Variants in CACNA1A observed in about 807,000 individuals in gnomAD.
The protein encoded by CACNA1A is voltage-dependent P/Q-type calcium channel subunit alpha-1A.
CACNA1A carries 57 observed loss-of-function variants against 262.4 expected under a neutral mutation model. That is an observed-to-expected ratio of 0.22 (90% CI 0.18 to 0.27). The LOEUF (loss-of-function observed/expected upper bound fraction) is 0.27. Ranked by LOEUF, CACNA1A falls within the 10% of genes least tolerant of loss-of-function variation. The pLI is 1.00. For missense variants in CACNA1A, 2,526 were observed against 3,562.8 expected (o/e 0.71, Z 7.41); for synonymous variants, 1,431 against 1,419.3 (o/e 1.01, Z -0.18).
intron 1 of CACNA1A, among the ~76,000 whole-genome samples, chr19:13,467,811 G>A (rs2061280652): frequency 6.6e-6 from 1 of 151,776 alleles, no homozygotes; most frequent in Non-Finnish European, 1.5e-5. Flanking sequence ...CACCACGTTG[G>A]CCAGGCTAGT....
chr19:13,338,771 C>T (rs1173217557), intron 6 of CACNA1A, among the ~76,000 whole-genome samples: 2 of 152,130 alleles, frequency 1.3e-5, no homozygotes, highest in Non-Finnish European at 2.9e-5. Flanking sequence ...CATTTGTGTG[C>T]TGGTTACATG....
intron 1 of CACNA1A, among the ~76,000 whole-genome samples, chr19:13,487,628 T>C (rs969637481): frequency 6.6e-6 from 1 of 150,812 alleles, no homozygotes; most frequent in Non-Finnish European, 1.5e-5. Context: ...AAATGGTTAA[T>C]GGTCAATTTT....
intron 37 of CACNA1A, chr19:13,225,608 A>G (rs1481121653): frequency 6.6e-6 from 1 of 151,626 alleles, no homozygotes; most frequent in Non-Finnish European, 1.5e-5. Context: ...TGGCACAGAG[A>G]AGGGGGGTGA....
intron 10 of CACNA1A, 70 bp downstream of exon 10, chr19:13,330,173 GC>G: frequency 8.9e-7 from 1 of 1,117,616 alleles, no homozygotes. Context: ...CAAGCCCTCT[GC>G]CCCCACCCCA....
In CACNA1A at chr19:13,259,545, T is replaced by A. The variant is rs1057524029; in HGVS notation, c.4388+19A>T. 1 of 1,591,808 alleles carries A rather than the reference T, an allele frequency of 6.3e-7. No homozygotes were observed. Among genetic ancestry groups the A allele is most frequent in the Non-Finnish European group, 8.6e-7 (1 of 1,167,804 alleles). Reference sequence around the variant, plus strand: ...TCCCCAGGGCTCCTCCTGGATAGATTTCCAGTCGGGCCACTTACTGTGGCC... The same window carrying A: ...TCCCCAGGGCTCCTCCTGGATAGATATCCAGTCGGGCCACTTACTGTGGCC... On this transcript the variant is annotated intron_variant, in intron 27 of 46. Coordinates refer to ENST00000360228, the MANE Select transcript of CACNA1A (RefSeq NM_001127222.2).
chr19:13,372,719 C>T (rs1294545128), intron 3 of CACNA1A, among the ~76,000 whole-genome samples: 1 of 152,078 alleles, frequency 6.6e-6, no homozygotes, highest in East Asian at 1.9e-4. Context: ...CACAGGTTAC[C>T]GGTATGCTAA....
chr19:13,433,542 G>C (rs1357976464), intron 3 of CACNA1A, among the ~76,000 whole-genome samples: 2 of 150,700 alleles, frequency 1.3e-5, no homozygotes, highest in East Asian at 2.0e-4. Context: ...CCAGAGCCTT[G>C]GATCAGGGCC....
chr19:13,224,770 C>G lies in CACNA1A; in HGVS notation c.5628G>C (p.Arg1876=). 6.2e-7 allele frequency: 1 copy of G among 1,604,574 alleles called. No individual in the cohort carries two copies. The highest frequency in any genetic ancestry group is 8.5e-7 in the Non-Finnish European group (1 of 1,175,690). The part of the protein sequence containing the change: ...KKCPARVAYK[R]LLRMDLPVAD... ...CGACGGGCAGGTCCATCCGCAGAAG[C>G]CGCTACAGAAAACCCAAGGCAAGCG... The change falls in exon 38 of 47, where the codon CGG becomes CGC. Residue 1876 remains arginine, a splice_region_variant and synonymous_variant. Coordinates refer to ENST00000360228, the MANE Select transcript of CACNA1A (RefSeq NM_001127222.2).
chr19:13,339,160 G>A (rs938008954), intron 6 of CACNA1A, among the ~76,000 whole-genome samples: 8 of 152,204 alleles, frequency 5.3e-5, no homozygotes, highest in African/African-American at 9.6e-5. Flanking sequence ...CACTGAGCCC[G>A]GCAGAAGTTT....
chr19:13,231,052 G>A (rs889101518), intron 35 of CACNA1A, among the ~76,000 whole-genome samples: 1 of 151,460 alleles, frequency 6.6e-6, no homozygotes, highest in Non-Finnish European at 1.5e-5. Flanking sequence ...CGCCCTGGCT[G>A]GGGTGCAGTG....
At chr19:13,473,831 G>A (rs1419853505) in intron 1 of CACNA1A, among the ~76,000 whole-genome samples, 4 of 148,742 alleles carry the variant, frequency 2.7e-5, no homozygotes, top group South Asian at 4.2e-4. Flanking sequence ...ACATCTCAGC[G>A]GCAGTCCTTC....
intron 6 of CACNA1A, among the ~76,000 whole-genome samples, chr19:13,348,362 G>C (rs1317859945): frequency 2.0e-5 from 3 of 152,166 alleles, no homozygotes; most frequent in Non-Finnish European, 2.9e-5. Context: ...GAGAGAAGGA[G>C]AAGGAGGTGG....
At chr19:13,381,211 C>A (rs1407591544) in intron 3 of CACNA1A, among the ~76,000 whole-genome samples, 2 of 151,758 alleles carry the variant, frequency 1.3e-5, no homozygotes, top group Non-Finnish European at 2.9e-5. Context: ...ATGGCAAGAC[C>A]TTGTCGCTAT....
At chr19:13,481,542 G>A (rs1197709729) in intron 1 of CACNA1A, among the ~76,000 whole-genome samples, 3 of 152,270 alleles carry the variant, frequency 2.0e-5, no homozygotes, top group East Asian at 1.9e-4. Context: ...TGGGTGGGGC[G>A]GGGAGGGGAC....
rs1398137447 is a variant in CACNA1A, at chr19:13,212,421, G to A, written c.6152C>T (p.Pro2051Leu). The A allele has an allele frequency of 6.2e-7, 1 of 1,613,382 alleles. No individual in the cohort carries two copies. Among genetic ancestry groups the A allele is most frequent in the Non-Finnish European group, 8.5e-7 (1 of 1,179,684 alleles). ...CTGGCTGTTGGGCATGTCGGTAGGGGGGCCTTGTTCCGGACTCCATGTGCC... is the reference window on the plus strand; with the variant it reads ...CTGGCTGTTGGGCATGTCGGTAGGGAGGCCTTGTTCCGGACTCCATGTGCC... Reference protein sequence around the residue: ...KTGTWSPEQGPPTDMPNSQPN... With the variant: ...KTGTWSPEQGLPTDMPNSQPN... The change falls in exon 42 of 47, where the codon CCC (proline) becomes CTC (leucine). Residue 2051 changes from proline to leucine, a missense_variant. This residue lies in a region of CACNA1A where 929 missense variants were observed against 868.1 expected (regional missense o/e 1.07). Transcript: ENST00000360228. This position sits in a 1 kb window ranked among gnomAD's most constrained non-coding sequence, Gnocchi z 5.6.
chr19:13,452,819 A>G, intron 3 of CACNA1A, 57 bp downstream of exon 3: 4 of 1,556,112 alleles, frequency 2.6e-6, no homozygotes, highest in Non-Finnish European at 3.5e-6. Flanking sequence ...ACACCAACCA[A>G]AAGCCTCGTA....
At chr19:13,298,510 G>T (rs185690935) in intron 19 of CACNA1A, 34 bp downstream of exon 19, 13 of 1,503,600 alleles carry the variant, frequency 8.6e-6, no homozygotes, top group Non-Finnish European at 1.2e-5. Flanking sequence ...TAATGTTACC[G>T]TCATTCTGCG....
intron 1 of CACNA1A, among the ~76,000 whole-genome samples, chr19:13,457,826 C>A (rs12985920): frequency 6.9e-6 from 1 of 145,418 alleles, no homozygotes; most frequent in Non-Finnish European, 1.5e-5. Context: ...GCACTCCAGC[C>A]TGGGCAACAA....
intron 38 of CACNA1A, among the ~76,000 whole-genome samples, chr19:13,221,896 C>T (rs570677825): frequency 1.4e-4 from 22 of 151,910 alleles, no homozygotes; most frequent in Non-Finnish European, 2.9e-4. Context: ...GGGAATTTCT[C>T]GGTATTTTTT....
Sources: gnomAD v4.1 joint callset for allele counts (sites outside exome capture counted in the v4.1 genomes callset) on GRCh38, gnomAD v4.1.1 for gene constraint, gnomAD v4.1.1 regional missense constraint, Gnocchi (gnomAD v3.1) non-coding constraint, MANE v1.5 for transcripts, NCBI Gene and HGNC (gene_info 2026-07-23, HGNC 2026-07-21) for gene names.